Variants in MASTL observed in about 807,000 individuals in gnomAD.
The protein encoded by MASTL is microtubule associated serine/threonine kinase like, also known as serine/threonine-protein kinase greatwall.
MASTL carries 54 observed loss-of-function variants against 82.5 expected under a neutral mutation model. That is an observed-to-expected ratio of 0.65 (90% CI 0.53 to 0.82). The LOEUF is 0.82. MASTL is among the 40% of genes least tolerant of loss of function. The pLI is 0.00. For missense variants in MASTL, 950 were observed against 1,047.8 expected (o/e 0.91, Z 1.29); for synonymous variants, 323 against 368.9 (o/e 0.88, Z 1.43).
At chr10:27,173,674 A>G (rs915901723) in intron 9 of MASTL, among the ~76,000 whole-genome samples, 2 of 151,922 alleles carry the variant, frequency 1.3e-5, no homozygotes, top group African/African-American at 4.8e-5. Context: ...TCTGCCTCCC[A>G]GGTTCAAGTG....
At position 27,186,607 on chromosome 10, in the gene MASTL, C is replaced by G. The variant is rs2058767804; in HGVS notation, c.*71C>G. 7.9e-7 allele frequency: 1 copy of G among 1,267,352 alleles called. No individual in the cohort carries two copies. Among genetic ancestry groups the G allele is most frequent in the Non-Finnish European group, 1.2e-6 (1 of 863,992 alleles). The allele number at this position is 1,267,352 out of a possible 1,614,324, so 78.5% of individuals were successfully genotyped here. ...TTGCATAATTATATACTCCTTAATACTAGATTGATCTAAGGGGGAAAGATC... is the reference window on the plus strand; with the variant it reads ...TTGCATAATTATATACTCCTTAATAGTAGATTGATCTAAGGGGGAAAGATC... On this transcript the variant is annotated 3_prime_UTR_variant, in exon 12 of 12. Transcript: ENST00000375940.
intron 9 of MASTL, 31 bp from the exon 10 acceptor site, chr10:27,180,922 G>A: frequency 7.5e-7 from 1 of 1,330,658 alleles, no homozygotes. Flanking sequence ...GAGAATGCTT[G>A]CAACTTTAGC....
chr10:27,165,384 A>C lies in MASTL; in HGVS notation c.661-5A>C, dbSNP rs2057708989. 3 of 1,613,750 alleles carry C rather than the reference A, an allele frequency of 1.9e-6. No homozygotes were observed. Among genetic ancestry groups the C allele is most frequent in the Non-Finnish European group, 2.5e-6 (3 of 1,179,942 alleles). On this transcript the variant is annotated splice_region_variant and splice_polypyrimidine_tract_variant and intron_variant, in intron 5 of 11. Transcript: ENST00000375940. ...CTGTTGTTTTTATTTTTCTCTTTTTAATAGAACACACCAATTGCAGAAAAA... is the reference window on the plus strand; with the variant it reads ...CTGTTGTTTTTATTTTTCTCTTTTTCATAGAACACACCAATTGCAGAAAAA...
In MASTL at chr10:27,155,598, T is replaced by C. The variant is rs2057333556; in HGVS notation, c.172T>C (p.Leu58=). The change falls in exon 1 of 12, where the codon TTG becomes CTG. Residue 58 remains leucine, a synonymous_variant. Transcript: ENST00000375940. ...GTATCTGGGGCAGAAAGGCGGCAAATTGTATGCAGTAAAGGTAGGAAGTCA... is the reference window on the plus strand; with the variant it reads ...GTATCTGGGGCAGAAAGGCGGCAAACTGTATGCAGTAAAGGTAGGAAGTCA... The part of the protein sequence containing the change: ...KVYLGQKGGK[L]YAVKVVKKAD... 1 of 1,614,044 alleles carries C rather than the reference T, an allele frequency of 6.2e-7. No individual in the cohort carries two copies. Among genetic ancestry groups the C allele is most frequent in the Non-Finnish European group, 8.5e-7 (1 of 1,179,980 alleles).
In MASTL at chr10:27,170,670, TCA is replaced by T; in HGVS notation, c.1712_1713del (p.Ser571PhefsTer21). 6.2e-7 allele frequency: 1 copy of T among 1,611,814 alleles called. No homozygotes were observed. The highest frequency in any genetic ancestry group is 1.1e-5 in the South Asian group (1 of 90,322). On this transcript the variant is annotated frameshift_variant, in exon 8 of 12. Coordinates refer to ENST00000375940, the MANE Select transcript of MASTL (RefSeq NM_001172303.3). LOFTEE classifies it high-confidence loss of function. ...ASKNISMNSDSSFPGISIMES... is the reference protein window; with the variant it reads ...ASKNISMNSDXSFPGISIMES... Reference sequence around the variant, plus strand: ...TAAAAATATTTCTATGAACTCTGATTCATCTTTTCCTGGAATTTCTATAATGG... The same window carrying T: ...TAAAAATATTTCTATGAACTCTGATTTCTTTTCCTGGAATTTCTATAATGG...
At chr10:27,154,939 C>T (rs1053526999), upstream of MASTL, 1 of 166,280 alleles carries the variant, frequency 6.0e-6, no homozygotes, top group Non-Finnish European at 1.3e-5. Context: ...TCCTGCTCAT[C>T]CAGTTTCGAC....
Position 27,165,507 on chromosome 10 carries a change from C to A in MASTL, c.779C>A (p.Thr260Asn), listed in dbSNP as rs2057713088. The change falls in exon 6 of 12, where the codon ACT becomes AAT. Residue 260 changes from threonine (T) to asparagine (N), a missense_variant. Physicochemically the swap from Thr to Asn is moderately conservative, Grantham distance 65. Coordinates refer to ENST00000375940, the MANE Select transcript of MASTL (RefSeq NM_001172303.3). ...CCTATGTCTGTAGATCAAAAGGACA[C>A]TACGCCTTATTCTAGCAAATTACTA... is the stretch of plus-strand genomic sequence containing the variant. Reference protein sequence around the residue: ...VCPMSVDQKDTTPYSSKLLKS... With the variant: ...VCPMSVDQKDNTPYSSKLLKS... The A allele has an allele frequency of 6.2e-7, 1 of 1,614,020 alleles. No homozygotes were observed. Among genetic ancestry groups the A allele is most frequent in the South Asian group, 1.1e-5 (1 of 91,084 alleles).
chr10:27,169,975 T>G lies in MASTL; in HGVS notation c.1016T>G (p.Met339Arg), dbSNP rs144503451. The change falls in exon 8 of 12, where the codon ATG becomes AGG. Residue 339 changes from methionine (M) to arginine (R), a missense_variant. Transcript: ENST00000375940. ...GATGAAGCATTGGGCCCAACAATGA[T>G]GAGTTGGAATGCAGTTGAAAAGTTA... Reference protein sequence around the residue: ...ESDEALGPTMMSWNAVEKLCA... With the variant: ...ESDEALGPTMRSWNAVEKLCA... 6 of 1,613,400 alleles carry G rather than the reference T, an allele frequency of 3.7e-6. No homozygotes were observed. The highest frequency in any genetic ancestry group is 1.7e-5 in the Admixed American group (1 of 60,004).
At chr10:27,163,108 A>G (rs1258743343) in intron 4 of MASTL, among the ~76,000 whole-genome samples, 2 of 151,898 alleles carry the variant, frequency 1.3e-5, no homozygotes, top group Non-Finnish European at 2.9e-5. Flanking sequence ...GTAGAGACAC[A>G]GTTTCACCAT....
intron 11 of MASTL, 118 bp from the exon 12 acceptor site, chr10:27,186,261 T>G: frequency 9.5e-7 from 1 of 1,047,838 alleles, no homozygotes; most frequent in Non-Finnish European, 1.5e-6. Context: ...TCTGTGAAAC[T>G]GACATAATAA....
In MASTL at chr10:27,187,504, C is replaced by A. The variant is rs980064926; in HGVS notation, c.*968C>A. ...CGATGGCTCATGCCTGTAATCCCGG[C>A]ACTTTGGGAGGCTGAGGCAGGCAAG... On this transcript the variant is annotated 3_prime_UTR_variant, in exon 12 of 12. Coordinates refer to ENST00000375940, the MANE Select transcript of MASTL (RefSeq NM_001172303.3). 1.3e-5 allele frequency among the ~76,000 whole-genome samples: 2 copies of A among 152,156 alleles called. No homozygotes were observed. The highest frequency in any genetic ancestry group is 2.9e-5 in the Non-Finnish European group (2 of 68,032).
rs565257264 is a variant in MASTL, at chr10:27,183,334, C to T, written c.2482+1753C>T. 5.9e-5 allele frequency among the ~76,000 whole-genome samples: 9 copies of T among 152,178 alleles called. No individual in the cohort carries two copies. In the South Asian group the frequency reaches 1.9e-3, roughly 32 times the overall value. ...CTTGCTCTGTCACCAGGCTGCAGTG[C>T]ATGCAGTGGTGTGATCTCGGCTCAC... On this transcript the variant is annotated intron_variant, in intron 11 of 11. Transcript: ENST00000375940.
In MASTL at chr10:27,186,492, A is replaced by G; in HGVS notation, c.2596A>G (p.Arg866Gly). The change falls in exon 12 of 12, where the codon AGG (arginine) becomes GGG (glycine). Residue 866 changes from arginine to glycine, a missense_variant. Arg to Gly is a moderately radical substitution (Grantham distance 125). Coordinates refer to ENST00000375940, the MANE Select transcript of MASTL (RefSeq NM_001172303.3). ...AACAGATACCTCCTATTTTGAAGCC[A>G]GGAATACTGCTCAGCACCTGACTGT... ...DETDTSYFEA[R>G]NTAQHLTVSG... The G allele has an allele frequency of 6.2e-7, 1 of 1,614,198 alleles. No individual in the cohort carries two copies. The highest frequency in any genetic ancestry group is 8.5e-7 in the Non-Finnish European group (1 of 1,180,020).
At chr10:27,185,374 T>G (rs1588804766) in intron 11 of MASTL, among the ~76,000 whole-genome samples, 2 of 152,196 alleles carry the variant, frequency 1.3e-5, no homozygotes, top group East Asian at 3.9e-4. Context: ...GGCTCACACC[T>G]ATAATCCCAG....
chr10:27,178,945 T>C (rs2058187842), intron 9 of MASTL, among the ~76,000 whole-genome samples: 1 of 152,174 alleles, frequency 6.6e-6, no homozygotes, highest in Non-Finnish European at 1.5e-5. Flanking sequence ...GATGGGATTA[T>C]ATGGCTCGCA....
At chr10:27,161,240 G>T in intron 4 of MASTL, 58 bp downstream of exon 4, 1 of 980,282 alleles carries the variant, frequency 1.0e-6, no homozygotes, top group Admixed American at 1.7e-5. Context: ...AGGCGTGGTG[G>T]CTCACACCTG....
Position 27,187,431 on chromosome 10 carries a change from C to T in MASTL, c.*895C>T, listed in dbSNP as rs1414702316. ...TTTGCCACCTTAATTTCTATTGGTGCGTAGTCCACAATATGTATTTGTTTA... is the reference window on the plus strand; with the variant it reads ...TTTGCCACCTTAATTTCTATTGGTGTGTAGTCCACAATATGTATTTGTTTA... On this transcript the variant is annotated 3_prime_UTR_variant, in exon 12 of 12. Coordinates refer to ENST00000375940, the MANE Select transcript of MASTL (RefSeq NM_001172303.3). Among the ~76,000 whole-genome samples, 2 of 152,120 alleles carry T rather than the reference C, an allele frequency of 1.3e-5. No individual in the cohort carries two copies. Among genetic ancestry groups the T allele is most frequent in the African/African-American group, 2.4e-5 (1 of 41,428 alleles).
At position 27,158,684 on chromosome 10, in the gene MASTL, T is replaced by G; in HGVS notation, c.322T>G (p.Leu108Val). ...YSLQSANNVY[L>V]VMEYLIGGDV... ...ACTGCAGTCTGCAAACAATGTCTAC[T>G]TGGTGAGTAAATAATTTTTATGTTG... is the stretch of plus-strand genomic sequence containing the variant. The change falls in exon 2 of 12, where the codon TTG becomes GTG. Residue 108 changes from leucine (L) to valine (V), a missense_variant and splice_region_variant. Leu to Val is a conservative substitution (Grantham distance 32, BLOSUM62 1). Coordinates refer to ENST00000375940, the MANE Select transcript of MASTL (RefSeq NM_001172303.3). 6.2e-7 allele frequency: 1 copy of G among 1,613,940 alleles called. No homozygotes were observed. Among genetic ancestry groups the G allele is most frequent in the Non-Finnish European group, 8.5e-7 (1 of 1,179,810 alleles).
At chr10:27,181,387 A>G (rs2058294741) in intron 10 of MASTL, 93 bp from the exon 11 acceptor site, 18 of 940,772 alleles carry the variant, frequency 1.9e-5, no homozygotes, top group Middle Eastern at 6.2e-4. Flanking sequence ...GTGAAACTCC[A>G]TCTCAAAAAA....
Sources: gnomAD v4.1 joint callset for allele counts (sites outside exome capture counted in the v4.1 genomes callset) on GRCh38, gnomAD v4.1.1 for gene constraint, MANE v1.5 for transcripts, NCBI Gene and HGNC (gene_info 2026-07-23, HGNC 2026-07-21) for gene names.